The following RBFOX1 variants were observed in gnomAD, a reference collection of about 807,000 sequenced individuals.
The protein encoded by RBFOX1 is RNA binding protein fox-1 homolog 1.
In RBFOX1, 8 loss-of-function variants were observed where a neutral mutation model predicts 57.7. That is an observed-to-expected ratio of 0.14 (90% CI 0.08 to 0.25). The LOEUF is 0.25. Ranked by LOEUF, RBFOX1 falls within the 10% of genes least tolerant of loss-of-function variation. The pLI, the probability that RBFOX1 is intolerant of heterozygous loss-of-function variation, is 1.00. For synonymous variants in RBFOX1, 326 were observed against 222.4 expected, an observed-to-expected ratio of 1.47 and a Z score of -4.15; for missense variants, 611 against 548.5, an observed-to-expected ratio of 1.11 and a Z score of -1.14.
intron 3 of RBFOX1, among the ~76,000 whole-genome samples, chr16:7,048,121 C>T (rs561108750): frequency 8.5e-5 from 13 of 152,140 alleles, no homozygotes; most frequent in Admixed American, 5.9e-4. Flanking sequence ...TCAGGTGATC[C>T]GACCCGCTTG....
At chr16:5,602,320 G>A (rs569130328), downstream of RBFOX1, among the ~76,000 whole-genome samples, 1 of 152,374 alleles carries the variant, frequency 6.6e-6, no homozygotes, top group South Asian at 2.1e-4. Context: ...CCTTGGAGAT[G>A]ATTGTACAAG....
At chr16:7,665,708 C>G (rs142514629) in intron 13 of RBFOX1, among the ~76,000 whole-genome samples, 6 of 152,168 alleles carry the variant, frequency 3.9e-5, no homozygotes, top group Non-Finnish European at 5.9e-5. Context: ...TTGGAGTAAA[C>G]ACAATTTTGA....
intron 1 of RBFOX1, among the ~76,000 whole-genome samples, chr16:5,323,630 T>C (rs1406822855): frequency 4.6e-5 from 7 of 152,260 alleles, no homozygotes; most frequent in Non-Finnish European, 7.3e-5. Context: ...TTAGCATGGA[T>C]GTGCTGGAAG....
At chr16:6,370,188 C>A (rs1156749423) in intron 2 of RBFOX1, among the ~76,000 whole-genome samples, 1 of 151,682 alleles carries the variant, frequency 6.6e-6, no homozygotes, top group Admixed American at 6.6e-5. Context: ...GAAAACCTGT[C>A]TCTACTAAAA....
intron 4 of RBFOX1, among the ~76,000 whole-genome samples, chr16:7,404,591 C>G (rs1219720685): frequency 1.3e-5 from 2 of 152,142 alleles, no homozygotes; most frequent in Non-Finnish European, 2.9e-5. Context: ...TAATTTACAC[C>G]TGAGTGACCA....
chr16:7,213,199 C>A (rs564189420), intron 4 of RBFOX1, among the ~76,000 whole-genome samples: 1 of 152,158 alleles, frequency 6.6e-6, no homozygotes, highest in South Asian at 2.1e-4. Context: ...GCAGATTACA[C>A]GGAACAATAT....
chr16:5,594,784 A>G (rs11076942), intron 2 of RBFOX1, among the ~76,000 whole-genome samples: 16,900 of 151,996 alleles, frequency 0.11, 1,180 homozygotes, highest in East Asian at 0.32. Flanking sequence ...TTAGTGATTC[A>G]GGGGCCTCCA....
chr16:6,244,247 T>C lies in RBFOX1; in HGVS notation c.-126-72748T>C, dbSNP rs543277834. On this transcript the variant is annotated intron_variant, in intron 1 of 15. Transcript: ENST00000550418. ...TATATCCCTCCTTCCAGCAAAAATG[T>C]TAGTGGCATGCCATTTCCTGCAGAA... is the stretch of plus-strand genomic sequence containing the variant. 1.4e-4 allele frequency among the ~76,000 whole-genome samples: 22 copies of C among 152,212 alleles called. No individual in the cohort carries two copies. In the South Asian group the frequency reaches 4.2e-3, roughly 29 times the overall value.
At chr16:6,498,983 G>A (rs897851496) in intron 2 of RBFOX1, among the ~76,000 whole-genome samples, 9 of 152,158 alleles carry the variant, frequency 5.9e-5, no homozygotes, top group African/African-American at 2.2e-4. Context: ...GCGACTTATG[G>A]TTAATGCAAC....
chr16:7,025,761 C>T lies in RBFOX1; in HGVS notation c.-15-26296C>T, dbSNP rs775512396. 1.2e-3 allele frequency among the ~76,000 whole-genome samples: 178 copies of T among 152,232 alleles called. 2 individuals carry two copies. The highest frequency in any genetic ancestry group is 6.8e-3 in the Middle Eastern group (2 of 294). Reference sequence around the variant, plus strand: ...AGGAGCCATGGGCGTCCCGGGGAATCCTAGGTACTGAGAGGAGATGGCCAG... The same window carrying T: ...AGGAGCCATGGGCGTCCCGGGGAATTCTAGGTACTGAGAGGAGATGGCCAG... On this transcript the variant is annotated intron_variant, in intron 3 of 15. Coordinates refer to ENST00000550418, the MANE Select transcript of RBFOX1 (RefSeq NM_018723.4).
intron 2 of RBFOX1, among the ~76,000 whole-genome samples, chr16:6,468,885 C>G (rs926463245): frequency 6.6e-6 from 1 of 152,150 alleles, no homozygotes; most frequent in South Asian, 2.1e-4. Context: ...TTTCATCACC[C>G]AGGTATTAAG....
chr16:7,710,211 C>T (rs2083763225), intron 15 of RBFOX1: 4 of 1,035,344 alleles, frequency 3.9e-6, no homozygotes, highest in Non-Finnish European at 4.6e-6. Flanking sequence ...ATTTTCATCC[C>T]AATTCTGCAT....
chr16:7,110,280 G>A (rs1401373281), intron 4 of RBFOX1, among the ~76,000 whole-genome samples: 1 of 151,958 alleles, frequency 6.6e-6, no homozygotes, highest in Non-Finnish European at 1.5e-5. Flanking sequence ...AGGATCCCCG[G>A]AACCTAGGAG....
rs553151685 is a variant in RBFOX1 at position 5,842,975 on chromosome 16, T to C, written c.319-24328T>C. On this transcript the variant is annotated intron_variant, in intron 3 of 19. Coordinates refer to the RBFOX1 transcript ENST00000641259. ...CTGGGATTACGGGCATGTGCTAGCA[T>C]GTCTGGCTAATTGTTTTTTTCTTTT... Among the ~76,000 whole-genome samples, 3 of 152,220 alleles carry C rather than the reference T, an allele frequency of 2.0e-5. No individual in the cohort carries two copies. In the East Asian group the frequency reaches 5.8e-4, roughly 29 times the overall value.
intron 3 of RBFOX1, among the ~76,000 whole-genome samples, chr16:6,880,827 A>C (rs187380918): frequency 2.6e-5 from 4 of 152,290 alleles, no homozygotes; most frequent in Admixed American, 2.6e-4. Flanking sequence ...TCAATATATA[A>C]ATGTGTTGGA....
At chr16:6,468,585 A>T (rs1444474099) in intron 2 of RBFOX1, among the ~76,000 whole-genome samples, 2 of 152,004 alleles carry the variant, frequency 1.3e-5, no homozygotes, top group Non-Finnish European at 2.9e-5. Flanking sequence ...TGCCACAAAA[A>T]TTCTCATCTG....
Position 6,751,995 on chromosome 16 carries a change from G to C in RBFOX1, c.-16+97345G>C, listed in dbSNP as rs568250948. Among the ~76,000 whole-genome samples the C allele has an allele frequency of 2.6e-5, 4 of 152,150 alleles. No individual in the cohort carries two copies. In the South Asian group the frequency reaches 8.3e-4, roughly 32 times the overall value. On this transcript the variant is annotated intron_variant, in intron 3 of 15. Transcript: ENST00000550418. ...GCCCTCAAATCAAGCACTTTAATAG[G>C]ATCCCAGTTGGAATAGGTGACTCAG...
chr16:6,163,782 G>A (rs2096896278), intron 1 of RBFOX1, among the ~76,000 whole-genome samples: 1 of 152,192 alleles, frequency 6.6e-6, no homozygotes, highest in African/African-American at 2.4e-5. Flanking sequence ...ATAAGGTGAT[G>A]TGTACCTATA....
At position 6,867,196 on chromosome 16, in the gene RBFOX1, G is replaced by C. The variant is rs183698256; in HGVS notation, c.-15-184861G>C. Reference sequence around the variant, plus strand: ...TTTCTTCTTGGTCTTGCAAAGAAAAGCATGAAGCTATATAAGTCTTTCTGT... The same window carrying C: ...TTTCTTCTTGGTCTTGCAAAGAAAACCATGAAGCTATATAAGTCTTTCTGT... On this transcript the variant is annotated intron_variant, in intron 3 of 15. Coordinates refer to ENST00000550418, the MANE Select transcript of RBFOX1 (RefSeq NM_018723.4). Among the ~76,000 whole-genome samples the C allele has an allele frequency of 4.2e-3, 636 of 152,204 alleles. 3 individuals carry two copies. The highest frequency in any genetic ancestry group is 5.4e-3 in the Non-Finnish European group (366 of 68,008).
Sources: gnomAD v4.1 joint callset for allele counts (sites outside exome capture counted in the v4.1 genomes callset) on GRCh38, gnomAD v4.1.1 for gene constraint, MANE v1.5 for transcripts, NCBI Gene and HGNC (gene_info 2026-07-23, HGNC 2026-07-21) for gene names.